RORB: variants seen among roughly 807,000 people sequenced by gnomAD.
RORB encodes the protein nuclear receptor ROR-beta.
In RORB, 6 loss-of-function variants were observed where a neutral mutation model predicts 59.1. That is an observed-to-expected ratio of 0.10 (90% CI 0.06 to 0.20). The LOEUF is 0.20. Ranked by LOEUF, RORB falls within the 10% of genes least tolerant of loss-of-function variation. The pLI is 1.00. For missense variants in RORB, 320 were observed against 560.5 expected, an observed-to-expected ratio of 0.57 and a Z score of 4.33; for synonymous variants, 215 against 204.5, an observed-to-expected ratio of 1.05 and a Z score of -0.44.
intron 4 of RORB, among the ~76,000 whole-genome samples, chr9:74,653,772 T>C (rs1004131402): frequency 2.0e-5 from 3 of 150,550 alleles, no homozygotes; most frequent in Non-Finnish European, 4.4e-5. Context: ...TCTGAGACAT[T>C]GTAGCCTTTG....
intron 3 of RORB, among the ~76,000 whole-genome samples, chr9:74,638,294 T>C (rs1823738253): frequency 6.6e-6 from 1 of 152,334 alleles, no homozygotes; most frequent in South Asian, 2.1e-4. Flanking sequence ...TTTAGTTATA[T>C]CCAAAACTTC....
chr9:74,545,126 G>A (rs1826467511), intron 1 of RORB, among the ~76,000 whole-genome samples: 1 of 149,000 alleles, frequency 6.7e-6, no homozygotes. Flanking sequence ...GCGCTTATTG[G>A]GGTTGAGGGG....
intron 1 of RORB, among the ~76,000 whole-genome samples, chr9:74,588,080 A>C (rs1191715727): frequency 6.6e-6 from 1 of 152,218 alleles, no homozygotes. Flanking sequence ...TTAAACAGTA[A>C]GTTTTCTCTG....
At chr9:74,655,035 T>C (rs1824057453) in intron 4 of RORB, among the ~76,000 whole-genome samples, 1 of 152,196 alleles carries the variant, frequency 6.6e-6, no homozygotes, top group Admixed American at 6.5e-5. Context: ...CTTATCATGA[T>C]TAAAAGGAAT....
chr9:74,649,684 T>A (rs1325010727), intron 4 of RORB, among the ~76,000 whole-genome samples: 1 of 152,218 alleles, frequency 6.6e-6, no homozygotes, highest in Non-Finnish European at 1.5e-5. Flanking sequence ...CAAAGCACTT[T>A]GTAACCAGCC....
At chr9:74,525,460 C>T (rs1395324585) in intron 1 of RORB, among the ~76,000 whole-genome samples, 1 of 151,940 alleles carries the variant, frequency 6.6e-6, no homozygotes, top group East Asian at 1.9e-4. Context: ...GTTACTCTTT[C>T]ATAGAGGAAG....
chr9:74,678,478 A>G (rs375659120), intron 9 of RORB, among the ~76,000 whole-genome samples: 1 of 152,212 alleles, frequency 6.6e-6, no homozygotes, highest in South Asian at 2.1e-4. Flanking sequence ...AACAATAATG[A>G]ATTACTAAAA....
intron 1 of RORB, among the ~76,000 whole-genome samples, chr9:74,629,005 C>T (rs1213393435): frequency 6.6e-6 from 1 of 152,070 alleles, no homozygotes; most frequent in Non-Finnish European, 1.5e-5. Context: ...ACTGCCTTAC[C>T]AACAACCCCA....
intron 1 of RORB, among the ~76,000 whole-genome samples, chr9:74,565,413 A>G (rs2118206111): frequency 6.6e-6 from 1 of 152,314 alleles, no homozygotes; most frequent in South Asian, 2.1e-4. Context: ...CAAAATCAAT[A>G]TGTTGAGTAA....
chr9:74,638,388 G>A (rs1823739536), intron 3 of RORB, among the ~76,000 whole-genome samples: 2 of 152,108 alleles, frequency 1.3e-5, no homozygotes, highest in African/African-American at 2.4e-5. Flanking sequence ...AGTATTATGG[G>A]ATCAAAATGA....
At chr9:74,683,588 G>C (rs762088506) in intron 9 of RORB, among the ~76,000 whole-genome samples, 1 of 152,048 alleles carries the variant, frequency 6.6e-6, no homozygotes, top group Non-Finnish European at 1.5e-5. Flanking sequence ...AGTGCAAAGC[G>C]CTACAGCATC....
intron 3 of RORB, among the ~76,000 whole-genome samples, chr9:74,637,086 C>A (rs1319174631): frequency 6.6e-6 from 1 of 152,168 alleles, no homozygotes; most frequent in African/African-American, 2.4e-5. Flanking sequence ...AGAATCCCTA[C>A]CTTCTTCTGA....
chr9:74,653,458 T>TA (rs35021334), intron 4 of RORB, among the ~76,000 whole-genome samples: 632 of 142,098 alleles, frequency 4.4e-3, no homozygotes, highest in African/African-American at 0.011. Flanking sequence ...CTTCCAACTT[T>TA]AAAAAAAAAA....
At chr9:74,620,919 C>G (rs142623674) in intron 1 of RORB, among the ~76,000 whole-genome samples, 1 of 152,162 alleles carries the variant, frequency 6.6e-6, no homozygotes, top group Non-Finnish European at 1.5e-5. Flanking sequence ...ATGCTCCTCA[C>G]TATCTCCAGC....
intron 2 of RORB, among the ~76,000 whole-genome samples, chr9:74,631,165 C>A (rs1823611651): frequency 6.6e-6 from 1 of 152,132 alleles, no homozygotes; most frequent in African/African-American, 2.4e-5. Context: ...TAGACTTAAT[C>A]TGAAATAAGA....
At chr9:74,560,216 C>G (rs1822374576) in intron 1 of RORB, among the ~76,000 whole-genome samples, 1 of 152,094 alleles carries the variant, frequency 6.6e-6, no homozygotes, top group Non-Finnish European at 1.5e-5. Context: ...TGGGTGTTTA[C>G]CATACAGCTT....
chr9:74,497,666 GA>G lies in RORB; in HGVS notation c.-306del, dbSNP rs1387623271. The G allele has an allele frequency of 1.5e-5, 7 of 463,150 alleles. No homozygotes were observed. The highest frequency in any genetic ancestry group is 2.7e-5 in the Non-Finnish European group (7 of 260,032). 28.7% of individuals were successfully genotyped at this position (463,150 alleles called of 1,614,324 possible). On this transcript the variant is annotated 5_prime_UTR_variant, in exon 1 of 10. Coordinates refer to ENST00000376896, the MANE Select transcript of RORB (RefSeq NM_006914.4). ...CAAGCACATTGGAGAGAAAGAAAAA[GA>G]AAAACAAAACCAAAACAAAACCCAG...
chr9:74,535,786 T>C (rs963459586), intron 1 of RORB, among the ~76,000 whole-genome samples: 4 of 152,060 alleles, frequency 2.6e-5, no homozygotes, highest in Admixed American at 2.6e-4. Context: ...TAATAATGCA[T>C]GCATGTTGGA....
chr9:74,599,701 G>C (rs546225384), intron 1 of RORB, among the ~76,000 whole-genome samples: 1 of 152,274 alleles, frequency 6.6e-6, no homozygotes, highest in East Asian at 1.9e-4. Flanking sequence ...TGAGGAGTAA[G>C]GTTCAATGAC....
Sources: gnomAD v4.1 joint callset for allele counts (sites outside exome capture counted in the v4.1 genomes callset) on GRCh38, gnomAD v4.1.1 for gene constraint, MANE v1.5 for transcripts, NCBI Gene and HGNC (gene_info 2026-07-23, HGNC 2026-07-21) for gene names.